The following C11orf54 variants were observed in gnomAD, a reference collection of about 807,000 sequenced individuals.
The protein encoded by C11orf54 is beta-keto-L-gulonate decarboxylase.
Under a neutral mutation model 35.5 loss-of-function variants are expected in C11orf54, and 29 were observed. The ratio of observed to expected loss-of-function variants is 0.82; its 90% CI spans 0.61 to 1.11. The LOEUF (loss-of-function observed/expected upper bound fraction) is 1.11, where lower values mean the gene tolerates loss of function less well. C11orf54 is among the 50% of genes most tolerant of loss of function. The probability of loss-of-function intolerance (pLI) is 0.00; values close to 1 mark genes in which losing one functional copy is unlikely to be tolerated. For missense variants in C11orf54, 373 were observed against 369.2 expected, an observed-to-expected ratio of 1.01 and a Z score of -0.08; for synonymous variants, 108 against 121.1, an observed-to-expected ratio of 0.89 and a Z score of 0.71.
chr11:93,757,507 T>C, intron 7 of C11orf54, 42 bp downstream of exon 7: 4 of 1,559,314 alleles, frequency 2.6e-6, no homozygotes, highest in Non-Finnish European at 3.4e-6. Flanking sequence ...GGAGTTTGTG[T>C]GTGTGCACTT....
Position 93,757,367 on chromosome 11 carries a change from T to C in C11orf54, c.559T>C (p.Cys187Arg). The change falls in exon 7 of 9, where the codon TGT becomes CGT. Residue 187 changes from cysteine (C) to arginine (R), a missense_variant. Transcript: ENST00000354421. The part of the protein sequence containing the change: ...RRTGPLNFVT[C>R]MRETLEKHYG... ...AACTGGACCACTTAACTTTGTGACTTGTATGAGAGAGACCCTGGAAAAACA... is the reference window on the plus strand; with the variant it reads ...AACTGGACCACTTAACTTTGTGACTCGTATGAGAGAGACCCTGGAAAAACA... The C allele has an allele frequency of 6.3e-6, 10 of 1,598,254 alleles. No homozygotes were observed. Among genetic ancestry groups the C allele is most frequent in the Non-Finnish European group, 8.5e-6 (10 of 1,179,748 alleles).
At chr11:93,747,145 A>G in intron 1 of C11orf54, 152 bp from the exon 2 acceptor site, 1 of 299,786 alleles carries the variant, frequency 3.3e-6, no homozygotes, top group Non-Finnish European at 6.0e-6. Flanking sequence ...TTAAATTACA[A>G]TAAAATAAAG....
chr11:93,761,095 G>A (rs1407797353), intron 8 of C11orf54, among the ~76,000 whole-genome samples: 2 of 152,146 alleles, frequency 1.3e-5, no homozygotes, highest in African/African-American at 4.8e-5. Flanking sequence ...TAATGCAAGT[G>A]TCAGTTGAGA....
At chr11:93,750,527 T>C in intron 3 of C11orf54, 83 bp downstream of exon 3, 1 of 1,078,980 alleles carries the variant, frequency 9.3e-7, no homozygotes. Flanking sequence ...ACATCTTAAA[T>C]TATCTACAAA....
In C11orf54 at chr11:93,759,864, T is replaced by C; in HGVS notation, c.774+6T>C. 6.7e-7 allele frequency: 1 copy of C among 1,502,174 alleles called. No homozygotes were observed. The highest frequency in any genetic ancestry group is 9.2e-7 in the Non-Finnish European group (1 of 1,087,592). The allele number at this position is 1,502,174 out of a possible 1,614,324, so 93.1% of individuals were successfully genotyped here. A position where few individuals can be genotyped will look rare whatever the true frequency, so the allele number is the denominator to read the frequency against. The stretch of plus-strand genomic sequence containing the variant: ...TTTTTGTCTCCAGAGACCCAGTAAG[T>C]CTGTGTCTGTTTTTTATATTATACT... On this transcript the variant is annotated splice_donor_region_variant and intron_variant, in intron 8 of 8. Transcript: ENST00000354421.
At chr11:93,754,669 A>G (rs767666315) in intron 5 of C11orf54, among the ~76,000 whole-genome samples, 1 of 152,018 alleles carries the variant, frequency 6.6e-6, no homozygotes, top group Non-Finnish European at 1.5e-5. Flanking sequence ...AAAGTTAAAA[A>G]TTTAAAATAA....
At chr11:93,743,510 T>C (rs2135569769) in intron 1 of C11orf54, among the ~76,000 whole-genome samples, 1 of 152,246 alleles carries the variant, frequency 6.6e-6, no homozygotes, top group African/African-American at 2.4e-5. Context: ...AGCCACGAAC[T>C]CCAGTCACCC....
At chr11:93,747,727 G>A in intron 2 of C11orf54, among the ~76,000 whole-genome samples, 1 of 152,080 alleles carries the variant, frequency 6.6e-6, no homozygotes, top group South Asian at 2.1e-4. Context: ...TTTACAAGAT[G>A]TAAATGATTA....
chr11:93,764,737 T>G lies in C11orf54; in HGVS notation c.*3049T>G, dbSNP rs1428110745. The stretch of plus-strand genomic sequence containing the variant: ...TGCTGGGATTACAGGCATGAGGCAC[T>G]GCACCTCACCCAAAGTGCTCTTCTT... On this transcript the variant is annotated 3_prime_UTR_variant, in exon 9 of 9. Coordinates refer to ENST00000354421, the MANE Select transcript of C11orf54 (RefSeq NM_001286069.2). 1 of 152,212 alleles carries G rather than the reference T, an allele frequency of 6.6e-6. No individual in the cohort carries two copies. The highest frequency in any genetic ancestry group is 1.5e-5 in the Non-Finnish European group (1 of 68,050). 9.4% of individuals were successfully genotyped at this position (152,212 alleles called of 1,614,324 possible).
intron 3 of C11orf54, among the ~76,000 whole-genome samples, 160 bp downstream of exon 3, chr11:93,750,604 G>A (rs1942762905): frequency 6.6e-6 from 1 of 152,068 alleles, no homozygotes; most frequent in South Asian, 2.1e-4. Flanking sequence ...TTCTGATATT[G>A]GTTAAATTTC....
rs756492563 is a variant in C11orf54 at position 93,761,600 on chromosome 11, T to C, written c.860T>C (p.Ile287Thr). The change falls in exon 9 of 9, where the codon ATA becomes ACA. Residue 287 changes from isoleucine to threonine, a missense_variant. Ile to Thr is a moderately conservative substitution (Grantham distance 89). Coordinates refer to ENST00000354421, the MANE Select transcript of C11orf54 (RefSeq NM_001286069.2). ...TACCATTATGACACTACTCCAGATATAGTGGAATATCTTGGATACTTCTTA... is the reference window on the plus strand; with the variant it reads ...TACCATTATGACACTACTCCAGATACAGTGGAATATCTTGGATACTTCTTA... ...GHYHYDTTPD[I>T]VEYLGYFLPA... is the part of the protein sequence containing the mutation. The C allele has an allele frequency of 6.2e-6, 10 of 1,613,470 alleles. No individual in the cohort carries two copies. The highest frequency in any genetic ancestry group is 5.5e-5 in the South Asian group (5 of 91,002).
At chr11:93,747,543 G>T in intron 2 of C11orf54, 95 bp downstream of exon 2, 1 of 643,318 alleles carries the variant, frequency 1.6e-6, no homozygotes, top group Non-Finnish European at 2.3e-6. Flanking sequence ...TACTACTTAT[G>T]TATATCTATA....
chr11:93,743,261 A>G (rs1475860571), intron 1 of C11orf54, among the ~76,000 whole-genome samples: 1 of 151,988 alleles, frequency 6.6e-6, no homozygotes, highest in East Asian at 1.9e-4. Flanking sequence ...TCGGCCTCCC[A>G]AAGTGCTGGG....
chr11:93,753,598 T>C (rs1942958760), intron 3 of C11orf54, 84 bp from the exon 4 acceptor site: 2 of 1,177,738 alleles, frequency 1.7e-6, no homozygotes, highest in African/African-American at 3.1e-5. Flanking sequence ...GGAGAAGTTA[T>C]ATACTGTTGG....
At chr11:93,752,922 AT>A (rs1385126689) in intron 3 of C11orf54, among the ~76,000 whole-genome samples, 1 of 151,330 alleles carries the variant, frequency 6.6e-6, no homozygotes, top group Admixed American at 6.6e-5. Flanking sequence ...AATTTTTTGT[AT>A]TTTTGGTAAA....
rs1036909536 is a variant in C11orf54 at position 93,764,140 on chromosome 11, G to A, written c.*2452G>A. 1 of 152,220 alleles carries A rather than the reference G, an allele frequency of 6.6e-6. No individual in the cohort carries two copies. Among genetic ancestry groups the A allele is most frequent in the Non-Finnish European group, 1.5e-5 (1 of 68,050 alleles). 9.4% of individuals were successfully genotyped at this position (152,220 alleles called of 1,614,324 possible). ...GCACCCAGGCTTTCTTAGCTTGCCA[G>A]AGGTGTAGGGCATAAGGGGACGAGG... On this transcript the variant is annotated 3_prime_UTR_variant, in exon 9 of 9. Transcript: ENST00000354421.
intron 4 of C11orf54, 82 bp downstream of exon 4, chr11:93,753,837 G>T (rs1942977725): frequency 1.3e-6 from 2 of 1,548,110 alleles, no homozygotes; most frequent in Non-Finnish European, 1.8e-6. Flanking sequence ...AAGACCTGTT[G>T]ATCAGTTGGC....
intron 1 of C11orf54, among the ~76,000 whole-genome samples, chr11:93,744,762 A>G (rs1464535048): frequency 3.3e-5 from 5 of 152,260 alleles, no homozygotes; most frequent in African/African-American, 9.6e-5. Flanking sequence ...GACTGAGAAA[A>G]TAAATAAGAC....
At chr11:93,761,406 T>G (rs1943461626) in intron 8 of C11orf54, 109 bp from the exon 9 acceptor site, 1 of 979,870 alleles carries the variant, frequency 1.0e-6, no homozygotes, top group Admixed American at 2.6e-5. Context: ...CATGTGAATG[T>G]ATTACCTATT....
Sources: gnomAD v4.1 joint callset for allele counts (sites outside exome capture counted in the v4.1 genomes callset) on GRCh38, gnomAD v4.1.1 for gene constraint, MANE v1.5 for transcripts, NCBI Gene and HGNC (gene_info 2026-07-23, HGNC 2026-07-21) for gene names.